The following PREX2 variants were observed in gnomAD, a reference collection of about 807,000 sequenced individuals.
PREX2 encodes the protein phosphatidylinositol-3,4,5-trisphosphate dependent Rac exchange factor 2.
In PREX2, 107 loss-of-function variants were observed where a neutral mutation model predicts 203.2. The ratio of observed to expected loss-of-function variants is 0.53; its 90% CI spans 0.45 to 0.62. PREX2 has a LOEUF of 0.62. PREX2 is among the 20% of genes least tolerant of loss of function. PREX2 has a pLI of 0.00. For synonymous variants in PREX2, 672 were observed against 663.6 expected (o/e 1.01, Z -0.19); for missense variants, 1,777 against 1,955.9 (o/e 0.91, Z 1.72).
chr8:68,002,819 A>T (rs1439003147), intron 1 of PREX2, among the ~76,000 whole-genome samples: 1 of 152,178 alleles, frequency 6.6e-6, no homozygotes, highest in African/African-American at 2.4e-5. Context: ...GAGTTTGTTG[A>T]CCCAGGAGCT....
chr8:68,006,607 C>G lies in PREX2; in HGVS notation c.142-11239C>G, dbSNP rs115513290. Among the ~76,000 whole-genome samples, 484 of 151,976 alleles carry G rather than the reference C, an allele frequency of 3.2e-3. 1 individual carries two copies. The highest frequency in any genetic ancestry group is 0.011 in the African/African-American group (451 of 41,422). ...TACTTGCTGAGCCACTTGGGGCCTC[C>G]AGACTACACCCCCCAATATTGGACC... On this transcript the variant is annotated intron_variant, in intron 1 of 39. Coordinates refer to ENST00000288368, the MANE Select transcript of PREX2 (RefSeq NM_024870.4).
At chr8:68,137,021 T>C (rs1048608795) in intron 32 of PREX2, among the ~76,000 whole-genome samples, 1 of 151,972 alleles carries the variant, frequency 6.6e-6, no homozygotes, top group African/African-American at 2.4e-5. Flanking sequence ...TTCTCCTGTC[T>C]CAGCCTCCCA....
At chr8:68,117,765 C>CT in intron 26 of PREX2, among the ~76,000 whole-genome samples, 1 of 152,284 alleles carries the variant, frequency 6.6e-6, no homozygotes, top group East Asian at 1.9e-4. Flanking sequence ...CATTATCAAG[C>CT]ACTTCCCTGT....
At chr8:68,027,368 A>G (rs541890331) in intron 5 of PREX2, 45 bp downstream of exon 5, 16 of 1,174,764 alleles carry the variant, frequency 1.4e-5, no homozygotes, top group Non-Finnish European at 1.9e-5. Flanking sequence ...TTGTATCTAC[A>G]TATTTTGCTG....
chr8:68,138,460 G>T lies in PREX2; in HGVS notation c.4030G>T (p.Asp1344Tyr), dbSNP rs1227748963. ...MLEDTLVALF[D>Y]LEKVSFYFKP... Reference sequence around the variant, plus strand: ...AGAAGATACACTGGTTGCACTATTTGATTTGGAAAAGGTTTCCTTTTACTT... The same window carrying T: ...AGAAGATACACTGGTTGCACTATTTTATTTGGAAAAGGTTTCCTTTTACTT... Residue 1344 changes from aspartate to tyrosine, a missense_variant, in exon 33 of 40, where the codon GAT becomes TAT. Transcript: ENST00000288368. 2.3e-5 allele frequency: 37 copies of T among 1,606,330 alleles called. No homozygotes were observed. The highest frequency in any genetic ancestry group is 3.1e-5 in the Non-Finnish European group (36 of 1,175,894).
intron 8 of PREX2, among the ~76,000 whole-genome samples, chr8:68,050,509 T>G (rs1370968892): frequency 6.6e-6 from 1 of 152,136 alleles, no homozygotes. Context: ...GGGAAATTCT[T>G]CCCCGTTATC....
chr8:67,961,636 TA>T (rs1021720279), intron 1 of PREX2, among the ~76,000 whole-genome samples: 2 of 152,096 alleles, frequency 1.3e-5, no homozygotes, highest in Non-Finnish European at 1.5e-5. Context: ...AATAACTGCT[TA>T]AAAAAATATT....
chr8:68,022,709 G>A (rs1807605647), intron 4 of PREX2, among the ~76,000 whole-genome samples: 2 of 152,208 alleles, frequency 1.3e-5, no homozygotes, highest in Admixed American at 1.3e-4. Flanking sequence ...AGAGTGTGGA[G>A]TTGCACAGCC....
intron 30 of PREX2, among the ~76,000 whole-genome samples, 187 bp from the exon 31 acceptor site, chr8:68,127,191 T>C (rs1228974672): frequency 2.0e-5 from 3 of 152,156 alleles, no homozygotes; most frequent in Non-Finnish European, 4.4e-5. Flanking sequence ...ATTTTTATTA[T>C]CTAATATTAG....
Position 68,083,284 on chromosome 8 carries a change from T to A in PREX2, c.1923T>A (p.Gly641=). 6.2e-7 allele frequency: 1 copy of A among 1,609,172 alleles called. No individual in the cohort carries two copies. Among genetic ancestry groups the A allele is most frequent in the Non-Finnish European group, 8.5e-7 (1 of 1,176,656 alleles). Residue 641 remains glycine (G), a synonymous_variant, in exon 18 of 40, where the codon GGT becomes GGA. Transcript: ENST00000288368. ...EVGKKIFAIN[G]DLVFMRPFNE... ...GGAAAAAGATTTTTGCTATTAATGGTGACCTAGTTTTTATGAGACCTTTCA... is the reference window on the plus strand; with the variant it reads ...GGAAAAAGATTTTTGCTATTAATGGAGACCTAGTTTTTATGAGACCTTTCA...
intron 1 of PREX2, among the ~76,000 whole-genome samples, chr8:67,984,661 C>T (rs1446794831): frequency 6.6e-6 from 1 of 152,180 alleles, no homozygotes; most frequent in Non-Finnish European, 1.5e-5. Context: ...TACTGTTAGC[C>T]TGGAAGACTG....
intron 35 of PREX2, among the ~76,000 whole-genome samples, chr8:68,164,081 CA>C (rs1294827786): frequency 6.6e-6 from 1 of 152,048 alleles, no homozygotes; most frequent in Non-Finnish European, 1.5e-5. Flanking sequence ...ACAGATGACC[CA>C]AAAAAGGGGT....
At chr8:67,993,136 G>T (rs941980933) in intron 1 of PREX2, among the ~76,000 whole-genome samples, 1 of 152,044 alleles carries the variant, frequency 6.6e-6, no homozygotes, top group Non-Finnish European at 1.5e-5. Flanking sequence ...TTTATAGGTG[G>T]TATTCTATTT....
chr8:67,983,783 C>T (rs1307998404), intron 1 of PREX2, among the ~76,000 whole-genome samples: 3 of 152,188 alleles, frequency 2.0e-5, no homozygotes, highest in East Asian at 3.9e-4. Context: ...GTGAGCTCTT[C>T]GTGAGCTCTG....
At chr8:67,967,612 G>A (rs1163903164) in intron 1 of PREX2, among the ~76,000 whole-genome samples, 6 of 152,200 alleles carry the variant, frequency 3.9e-5, no homozygotes. Flanking sequence ...CGAGGGGATG[G>A]AAGCATTGAA....
At chr8:68,185,280 T>G (rs879357609) in intron 35 of PREX2, among the ~76,000 whole-genome samples, 1,851 of 152,304 alleles carry the variant, frequency 0.012, 29 homozygotes, top group African/African-American at 0.041. Flanking sequence ...TGGTTTGATA[T>G]TTAATTTCCT....
intron 33 of PREX2, among the ~76,000 whole-genome samples, chr8:68,142,148 A>G (rs1485299865): frequency 6.6e-6 from 1 of 152,166 alleles, no homozygotes; most frequent in African/African-American, 2.4e-5. Flanking sequence ...CTCAAAGTTC[A>G]TAGTTTACAT....
At chr8:68,150,803 G>C (rs138477588) in intron 34 of PREX2, among the ~76,000 whole-genome samples, 1 of 152,294 alleles carries the variant, frequency 6.6e-6, no homozygotes, top group African/African-American at 2.4e-5. Context: ...AAGCTCGGTG[G>C]CTTAAAACAA....
chr8:68,087,562 G>A lies in PREX2; in HGVS notation c.2028-162G>A, dbSNP rs1028684345. 3.1e-4 allele frequency among the ~76,000 whole-genome samples: 47 copies of A among 152,136 alleles called. 1 individual carries two copies. The highest frequency in any genetic ancestry group is 4.7e-4 in the Non-Finnish European group (32 of 68,020). On this transcript the variant is annotated intron_variant, in intron 18 of 39. Coordinates refer to ENST00000288368, the MANE Select transcript of PREX2 (RefSeq NM_024870.4). ...AGTTTAGAAACACTGTATTGCATGA[G>A]GTTGGGGACCATGTTCGTCTCCAAG...
Sources: allele counts gnomAD v4.1 joint callset (sites outside exome capture counted in the v4.1 genomes callset), GRCh38; gene constraint gnomAD v4.1.1; transcripts MANE v1.5; gene names NCBI Gene and HGNC (gene_info 2026-07-23, HGNC 2026-07-21).